The following CTHRC1 variants were observed in gnomAD, a reference collection of about 807,000 sequenced individuals.
The protein encoded by CTHRC1 is collagen triple helix repeat-containing protein 1.
A neutral mutation model predicts 25.9 loss-of-function variants in CTHRC1; 21 were observed. The observed-to-expected ratio is 0.81, with a 90% confidence interval of 0.57 to 1.17. The LOEUF (loss-of-function observed/expected upper bound fraction) is 1.17. Among genes scored for constraint, CTHRC1 ranks in the 50% most tolerant of loss-of-function variants. CTHRC1 has a pLI of 0.00. For synonymous variants in CTHRC1, 109 were observed against 113.1 expected, an observed-to-expected ratio of 0.96 and a Z score of 0.23; for missense variants, 281 against 304.3, an observed-to-expected ratio of 0.92 and a Z score of 0.57.
chr8:103,378,912 C>T (rs1032167149), intron 3 of CTHRC1, among the ~76,000 whole-genome samples: 1 of 151,974 alleles, frequency 6.6e-6, no homozygotes, highest in Non-Finnish European at 1.5e-5. Context: ...AGGATGGCTT[C>T]AGCCCAGGAG....
chr8:103,376,415 C>T (rs1422454858), intron 2 of CTHRC1, among the ~76,000 whole-genome samples: 1 of 152,158 alleles, frequency 6.6e-6, no homozygotes, highest in African/African-American at 2.4e-5. Flanking sequence ...CTTAAAACTG[C>T]TAAGCCTAAG....
chr8:103,375,496 G>A (rs987765926), intron 1 of CTHRC1, among the ~76,000 whole-genome samples: 1 of 152,084 alleles, frequency 6.6e-6, no homozygotes, highest in Non-Finnish European at 1.5e-5. Context: ...AAATAATTTT[G>A]TCCTCCTCTG....
chr8:103,378,995 CAAA>C (rs35368753), intron 3 of CTHRC1, among the ~76,000 whole-genome samples: 1 of 148,612 alleles, frequency 6.7e-6, no homozygotes, highest in Non-Finnish European at 1.5e-5. Flanking sequence ...GATGCAGTCT[CAAA>C]AAAAAAAAAT....
chr8:103,372,390 A>G (rs1460676685), intron 1 of CTHRC1: 5 of 1,412,266 alleles, frequency 3.5e-6, no homozygotes, highest in Admixed American at 2.6e-5. Flanking sequence ...ATGGGCTGCA[A>G]TTTACTTTGT....
chr8:103,376,329 A>G (rs1272616119), intron 2 of CTHRC1, among the ~76,000 whole-genome samples: 1 of 152,200 alleles, frequency 6.6e-6, no homozygotes, highest in Non-Finnish European at 1.5e-5. Context: ...GTGGGAAAAA[A>G]TTTCCAAGAA....
chr8:103,371,542 G>A lies in CTHRC1; in HGVS notation c.-115G>A, dbSNP rs941844780. 7.0e-6 allele frequency: 8 copies of A among 1,140,314 alleles called. No homozygotes were observed. Among genetic ancestry groups the A allele is most frequent in the African/African-American group, 1.6e-5 (1 of 61,242 alleles). 70.6% of individuals were successfully genotyped at this position (1,140,314 alleles called of 1,614,324 possible). On this transcript the variant is annotated 5_prime_UTR_variant, in exon 1 of 4. Transcript: ENST00000330295. ...GAGGGAGAGAGGCGCGCGGGTGAAA[G>A]GCGCATTGATGCAGCCTGCGGCGGC... is the stretch of plus-strand genomic sequence containing the variant.
At position 103,380,253 on chromosome 8, in the gene CTHRC1, A is replaced by C. The variant is rs181033698; in HGVS notation, c.589+2010A>C. Among the ~76,000 whole-genome samples the C allele has an allele frequency of 2.7e-4, 41 of 152,370 alleles. No individual in the cohort carries two copies. The East Asian group carries it at 6.5e-3, about 24-fold the overall frequency. On this transcript the variant is annotated intron_variant, in intron 3 of 3. Transcript: ENST00000330295. ...GCTAATGTAAGCCCTTAGGCCCAGG[A>C]ACTGTGTCATATACACGCATATACT...
intron 1 of CTHRC1, 58 bp from the exon 2 acceptor site, chr8:103,375,680 C>A: frequency 7.1e-7 from 1 of 1,403,296 alleles, no homozygotes; most frequent in Non-Finnish European, 1.0e-6. Flanking sequence ...TCTAATCATA[C>A]TGAGTCTTTG....
At chr8:103,372,379 T>A (rs1815723361) in intron 1 of CTHRC1, 2 of 1,323,010 alleles carry the variant, frequency 1.5e-6, no homozygotes, top group African/African-American at 1.5e-5. Context: ...TCCTAGGGAG[T>A]ATGGGCTGCA....
intron 3 of CTHRC1, among the ~76,000 whole-genome samples, chr8:103,379,929 G>C (rs1815876248): frequency 6.6e-6 from 1 of 152,110 alleles, no homozygotes; most frequent in African/African-American, 2.4e-5. Context: ...GAGAAACCCA[G>C]GGAAATACAG....
intron 3 of CTHRC1, 138 bp downstream of exon 3, chr8:103,378,381 G>GT: frequency 1.4e-6 from 1 of 725,632 alleles, no homozygotes; most frequent in Non-Finnish European, 2.4e-6. Context: ...TCCACCCTGG[G>GT]TTGTACTTCT....
At chr8:103,372,783 T>G in intron 1 of CTHRC1, 2 of 655,094 alleles carry the variant, frequency 3.1e-6, no homozygotes, top group Non-Finnish European at 2.5e-6. Flanking sequence ...TATTATAAAC[T>G]TCAGTCTCAC....
rs36063729 is a variant in CTHRC1 at position 103,379,475 on chromosome 8, TAA to T, written c.589+1245_589+1246del. Among the ~76,000 whole-genome samples the T allele has an allele frequency of 3.7e-3, 528 of 142,380 alleles. 1 individual carries two copies. The highest frequency in any genetic ancestry group is 0.012 in the African/African-American group (466 of 39,204). The allele number at this position is 142,380 out of a possible 152,430, so 93.4% of individuals were successfully genotyped here. ...AGAAAATACCAGAAAATAGAAGAGT[TAA>T]AAAAAAAAAAAACTATTAATCTCAT... On this transcript the variant is annotated intron_variant, in intron 3 of 3. Transcript: ENST00000330295.
chr8:103,371,688 A>G lies in CTHRC1; in HGVS notation c.32A>G (p.Gln11Arg), dbSNP rs755157789. The change falls in exon 1 of 4, where the codon CAG becomes CGG. Residue 11 changes from glutamine to arginine, a missense_variant. Gln to Arg is a conservative substitution (Grantham distance 43, BLOSUM62 1). Transcript: ENST00000330295. Reference sequence around the variant, plus strand: ...CCCCAGGGCCCCGCCGCCTCCCCGCAGCGGCTCCGCGGCCTCCTGCTGCTC... The same window carrying G: ...CCCCAGGGCCCCGCCGCCTCCCCGCGGCGGCTCCGCGGCCTCCTGCTGCTC... MRPQGPAASP[Q>R]RLRGLLLLLL... 1.2e-4 allele frequency: 179 copies of G among 1,533,348 alleles called. No homozygotes were observed. Among genetic ancestry groups the G allele is most frequent in the Non-Finnish European group, 1.5e-4 (176 of 1,141,074 alleles). The allele number at this position is 1,533,348 out of a possible 1,614,324, so 95.0% of individuals were successfully genotyped here.
At position 103,379,252 on chromosome 8, in the gene CTHRC1, T is replaced by TTATG. The variant is rs200684524; in HGVS notation, c.589+1012_589+1013insGTAT. Among the ~76,000 whole-genome samples the TTATG allele has an allele frequency of 9.4e-3, 1,424 of 152,248 alleles. 21 individuals are homozygous for TTATG. The highest frequency in any genetic ancestry group is 0.032 in the African/African-American group (1,308 of 41,522). ...TTTATGTACTTATGTATTTGTTTAT[T>TTATG]TATTTATTTATTTTAGAGACAGGGT... On this transcript the variant is annotated intron_variant, in intron 3 of 3. Transcript: ENST00000330295.
At position 103,375,722 on chromosome 8, in the gene CTHRC1, T is replaced by C; in HGVS notation, c.151-16T>C. The C allele has an allele frequency of 1.2e-6, 2 of 1,606,720 alleles. No individual in the cohort carries two copies. Among genetic ancestry groups the C allele is most frequent in the South Asian group, 1.1e-5 (1 of 90,884 alleles). ...AAGTGGTGAGAGTTTTCTTTGCCTT[T>C]TCTTTCTCATTATAGTATAATGGAA... On this transcript the variant is annotated splice_polypyrimidine_tract_variant and intron_variant, in intron 1 of 3. Coordinates refer to ENST00000330295, the MANE Select transcript of CTHRC1 (RefSeq NM_138455.4).
At chr8:103,377,666 C>T (rs1054276849) in intron 2 of CTHRC1, among the ~76,000 whole-genome samples, 3 of 152,206 alleles carry the variant, frequency 2.0e-5, no homozygotes, top group Non-Finnish European at 2.9e-5. Context: ...TGCAGTGGCA[C>T]AATTTCGGCT....
At chr8:103,372,771 CATATT>C (rs1815731909) in intron 1 of CTHRC1, 1 of 749,864 alleles carries the variant, frequency 1.3e-6, no homozygotes. Flanking sequence ...TAGTCCTTGG[CATATT>C]ATAAACTTCA....
chr8:103,378,079 G>A lies in CTHRC1; in HGVS notation c.425G>A (p.Ser142Asn). Residue 142 changes from serine (S) to asparagine (N), a missense_variant, in exon 3 of 4, where the codon AGT (serine) becomes AAT (asparagine). Physicochemically the swap from Ser to Asn is conservative, Grantham distance 46. Transcript: ENST00000330295. Reference sequence around the variant, plus strand: ...AATAGTGCTCTAAGAGTTTTGTTCAGTGGCTCACTTCGGCTAAAATGCAGA... The same window carrying A: ...AATAGTGCTCTAAGAGTTTTGTTCAATGGCTCACTTCGGCTAAAATGCAGA... ...RSNSALRVLFSGSLRLKCRNA... is the reference protein window; with the variant it reads ...RSNSALRVLFNGSLRLKCRNA... The A allele has an allele frequency of 5.6e-6, 9 of 1,614,216 alleles. No individual in the cohort carries two copies. Among genetic ancestry groups the A allele is most frequent in the Middle Eastern group, 1.6e-4 (1 of 6,062 alleles).
Sources: allele counts gnomAD v4.1 joint callset (sites outside exome capture counted in the v4.1 genomes callset), GRCh38; gene constraint gnomAD v4.1.1; transcripts MANE v1.5; gene names NCBI Gene and HGNC (gene_info 2026-07-23, HGNC 2026-07-21).